Variants in ACTN4 observed in about 807,000 individuals in gnomAD.
ACTN4 encodes alpha-actinin-4.
In ACTN4, 18 loss-of-function variants were observed where a neutral mutation model predicts 114.2. That is an observed-to-expected ratio of 0.16 (90% CI 0.11 to 0.23). The LOEUF (loss-of-function observed/expected upper bound fraction) is 0.23, where lower values mean the gene tolerates loss of function less well. Among genes scored for constraint, ACTN4 ranks in the 10% least tolerant of loss-of-function variants. The pLI is 1.00. For synonymous variants in ACTN4, 515 were observed against 506.3 expected, an observed-to-expected ratio of 1.02 and a Z score of -0.23; for missense variants, 722 against 1,262.9, an observed-to-expected ratio of 0.57 and a Z score of 6.49.
chr19:38,666,791 C>G (rs1158074321), intron 1 of ACTN4, among the ~76,000 whole-genome samples: 2 of 152,216 alleles, frequency 1.3e-5, no homozygotes, highest in Non-Finnish European at 2.9e-5. Context: ...AATCAACCCT[C>G]TCTAAGGCAG....
chr19:38,697,323 A>G (rs542436090), intron 1 of ACTN4, among the ~76,000 whole-genome samples: 18 of 152,356 alleles, frequency 1.2e-4, no homozygotes, highest in Admixed American at 7.2e-4. Context: ...GAGCCTTTGC[A>G]GAGAAGAGAC....
Position 38,727,830 on chromosome 19 carries a change from C to A in ACTN4, c.2338-116C>A. 1.0e-6 allele frequency: 1 copy of A among 972,192 alleles called. No homozygotes were observed. 60.2% of individuals were successfully genotyped at this position (972,192 alleles called of 1,614,324 possible). The stretch of plus-strand genomic sequence containing the variant: ...CTCCTTGTCCATGTTGCCTCTAACT[C>A]TGTGTTTCCCTCCCCTACGTGTCCC... On this transcript the variant is annotated intron_variant, in intron 18 of 20. Transcript: ENST00000252699. This position sits in a 1 kb window ranked among gnomAD's most constrained non-coding sequence, Gnocchi z 5.4.
intron 1 of ACTN4, chr19:38,648,334 TGTGAGGAGGAGCTTGA>T (rs1976451105): frequency 6.3e-6 from 1 of 158,046 alleles, no homozygotes; most frequent in Admixed American, 6.6e-5. Context: ...GTCTGGGAAG[TGTGAGGAGGAGCTTGA>T]GTGTGGAGGG....
At chr19:38,716,934 G>A (rs567679429) in intron 9 of ACTN4, 152 bp from the exon 10 acceptor site, 4 of 845,170 alleles carry the variant, frequency 4.7e-6, no homozygotes, top group Admixed American at 4.1e-5. Context: ...GTTCTAGCAG[G>A]AATCGTGGAG....
chr19:38,668,428 C>T (rs997043052), intron 1 of ACTN4, among the ~76,000 whole-genome samples: 79 of 152,226 alleles, frequency 5.2e-4, no homozygotes, highest in African/African-American at 1.8e-3. Flanking sequence ...TGGCTCACTC[C>T]TGTAATCCCA....
At chr19:38,653,085 CAAA>C (rs3033329) in intron 1 of ACTN4, among the ~76,000 whole-genome samples, 3 of 125,170 alleles carry the variant, frequency 2.4e-5, no homozygotes, top group Admixed American at 8.3e-5. Context: ...GACTCCATCT[CAAA>C]AAAAAAAAAA....
Position 38,717,363 on chromosome 19 carries a change from G to T in ACTN4, c.1143+47G>T. On this transcript the variant is annotated intron_variant, in intron 10 of 20. Coordinates refer to ENST00000252699, the MANE Select transcript of ACTN4 (RefSeq NM_004924.6). The surrounding 1 kb of genome is among the most constrained non-coding windows in gnomAD (Gnocchi z 4.0). Reference sequence around the variant, plus strand: ...GGAGCAGCTGTGAGGGGCAGAGGCAGCCCTAGAACTGCCTGTGGGCAGTTT... The same window carrying T: ...GGAGCAGCTGTGAGGGGCAGAGGCATCCCTAGAACTGCCTGTGGGCAGTTT... The T allele has an allele frequency of 1.3e-6, 2 of 1,595,394 alleles. No individual in the cohort carries two copies. The highest frequency in any genetic ancestry group is 2.2e-5 in the South Asian group (2 of 89,200).
intron 1 of ACTN4, among the ~76,000 whole-genome samples, chr19:38,685,751 A>G (rs1967721821): frequency 6.6e-6 from 1 of 151,826 alleles, no homozygotes; most frequent in Admixed American, 6.6e-5. Context: ...TGGGATGCCC[A>G]CCCTGAGACA....
At chr19:38,652,436 C>A (rs1976592141) in intron 1 of ACTN4, among the ~76,000 whole-genome samples, 1 of 152,192 alleles carries the variant, frequency 6.6e-6, no homozygotes, top group South Asian at 2.1e-4. Context: ...TTACACTCAC[C>A]TGGCTAAGAG....
intron 19 of ACTN4, 131 bp downstream of exon 19, chr19:38,728,157 C>T (rs1856904524): frequency 7.6e-7 from 1 of 1,310,344 alleles, no homozygotes; most frequent in Admixed American, 2.0e-5. Context: ...TGCCTCCCTG[C>T]CCACATCTCC....
Position 38,729,852 on chromosome 19 carries a change from G to C in ACTN4, c.*420G>C. ...TGTGCCTTGTCCAGGAACTGCCTGG[G>C]CCATGCGAGGGGCCAGCAGAGGGCG... On this transcript the variant is annotated 3_prime_UTR_variant, in exon 21 of 21. Transcript: ENST00000252699. 1 of 370,352 alleles carries C rather than the reference G, an allele frequency of 2.7e-6. No individual in the cohort carries two copies. Among genetic ancestry groups the C allele is most frequent in the Non-Finnish European group, 5.3e-6 (1 of 188,280 alleles). 22.9% of individuals were successfully genotyped at this position (370,352 alleles called of 1,614,324 possible).
intron 1 of ACTN4, among the ~76,000 whole-genome samples, chr19:38,690,127 G>A (rs188814800): frequency 2.5e-4 from 38 of 152,350 alleles, no homozygotes; most frequent in African/African-American, 8.4e-4. Context: ...TAAACCCCAG[G>A]CATTTGAGGC....
intron 1 of ACTN4, among the ~76,000 whole-genome samples, chr19:38,673,643 ATATT>A (rs1293519480): frequency 1.0e-4 from 5 of 49,626 alleles, no homozygotes; most frequent in Admixed American, 2.6e-4. Flanking sequence ...ATATTTATAT[ATATT>A]TATATATTTA....
rs1388420051 is a variant in ACTN4 at position 38,698,788 on chromosome 19, G to A, written c.163-1812G>A. On this transcript the variant is annotated intron_variant, in intron 1 of 20. Coordinates refer to ENST00000252699, the MANE Select transcript of ACTN4 (RefSeq NM_004924.6). ...TAGCTGTCCACTCTTGCCCCCTTTC[G>A]GATTTGGAAGGAAGCCCCATGCTGG... Among the ~76,000 whole-genome samples the A allele has an allele frequency of 4.6e-5, 7 of 152,290 alleles. No homozygotes were observed. The East Asian group carries it at 1.4e-3, about 29-fold the overall frequency.
chr19:38,705,113 C>A (rs1968413562), intron 4 of ACTN4, 93 bp downstream of exon 4: 2 of 1,245,360 alleles, frequency 1.6e-6, no homozygotes, highest in African/African-American at 1.5e-5. Flanking sequence ...AAGCCTCTTC[C>A]TGTTTCCTTG....
intron 1 of ACTN4, among the ~76,000 whole-genome samples, chr19:38,656,258 G>A (rs1976708646): frequency 2.6e-5 from 4 of 152,116 alleles, no homozygotes; most frequent in Non-Finnish European, 5.9e-5. Flanking sequence ...GACTAGAGGT[G>A]CACACCACCA....
chr19:38,680,212 GTTTTTTTTTTTTTTTTTTTTT>G (rs75920199), intron 1 of ACTN4, among the ~76,000 whole-genome samples: 6 of 124,342 alleles, frequency 4.8e-5, no homozygotes, highest in African/African-American at 1.7e-4. Context: ...AGCTCAGGAA[GTTTTTTTTTTTTTTTTTTTTT>G]TTTTTTTTTT....
At chr19:38,700,508 C>T (rs1475323352) in intron 1 of ACTN4, 92 bp from the exon 2 acceptor site, 1 of 1,054,442 alleles carries the variant, frequency 9.5e-7, no homozygotes, top group Non-Finnish European at 1.5e-6. Context: ...CTGCGGTTCT[C>T]CTGAGGTCAG....
intron 1 of ACTN4, among the ~76,000 whole-genome samples, chr19:38,665,011 C>T (rs796655526): frequency 5.3e-5 from 8 of 152,242 alleles, no homozygotes; most frequent in African/African-American, 1.9e-4. Flanking sequence ...TAGCACCCAG[C>T]CTACCCACCA....
Sources: allele counts gnomAD v4.1 joint callset (sites outside exome capture counted in the v4.1 genomes callset), GRCh38; gene constraint gnomAD v4.1.1; non-coding constraint Gnocchi (gnomAD v3.1); transcripts MANE v1.5; gene names NCBI Gene and HGNC (gene_info 2026-07-23, HGNC 2026-07-21).